The following UBLCP1 variants were observed in gnomAD, a reference collection of about 807,000 sequenced individuals.
The protein encoded by UBLCP1 is ubiquitin like domain containing CTD phosphatase 1, also known as ubiquitin-like domain-containing CTD phosphatase 1.
Under a neutral mutation model 42.4 loss-of-function variants are expected in UBLCP1, and 28 were observed. The ratio of observed to expected loss-of-function variants is 0.66; its 90% confidence interval spans 0.49 to 0.90. The LOEUF is 0.90. Ranked by LOEUF, UBLCP1 falls within the 40% of genes least tolerant of loss-of-function variation. The pLI is 0.00. For missense variants in UBLCP1, 279 were observed against 374.5 expected (o/e 0.75, Z 2.10); for synonymous variants, 122 against 120.8 (o/e 1.01, Z -0.07).
At chr5:159,274,253 T>C in intron 6 of UBLCP1, 1 of 192,756 alleles carries the variant, frequency 5.2e-6, no homozygotes, top group South Asian at 1.4e-4. Context: ...GGCACCCAAG[T>C]TTAAGTTTGG....
chr5:159,282,512 A>G (rs562703749), intron 9 of UBLCP1, among the ~76,000 whole-genome samples: 2 of 152,288 alleles, frequency 1.3e-5, no homozygotes, highest in African/African-American at 2.4e-5. Context: ...AAGATATGGT[A>G]TTCCTTACTA....
At chr5:159,278,842 G>C (rs1417332961) in intron 9 of UBLCP1, among the ~76,000 whole-genome samples, 1 of 152,122 alleles carries the variant, frequency 6.6e-6, no homozygotes, top group East Asian at 1.9e-4. Flanking sequence ...CAAGTGCTGG[G>C]ATTACAGGCA....
intron 1 of UBLCP1, among the ~76,000 whole-genome samples, chr5:159,264,713 A>G (rs1049708158): frequency 1.3e-5 from 2 of 152,198 alleles, no homozygotes; most frequent in East Asian, 3.9e-4. Context: ...TTGTTAAAAC[A>G]CAGATTCCTA....
chr5:159,282,963 A>G (rs1753625548), intron 9 of UBLCP1, among the ~76,000 whole-genome samples: 1 of 152,102 alleles, frequency 6.6e-6, no homozygotes, highest in Non-Finnish European at 1.5e-5. Context: ...TATGGATTCA[A>G]GTGCAATAAG....
At chr5:159,264,877 ACT>A (rs1382358011) in intron 1 of UBLCP1, among the ~76,000 whole-genome samples, 2 of 152,046 alleles carry the variant, frequency 1.3e-5, no homozygotes, top group Admixed American at 6.5e-5. Context: ...TTCACTCCAA[ACT>A]CTGCACTACT....
chr5:159,264,786 G>A (rs1753357276), intron 1 of UBLCP1, among the ~76,000 whole-genome samples: 1 of 152,170 alleles, frequency 6.6e-6, no homozygotes, highest in Non-Finnish European at 1.5e-5. Context: ...AATGCTGTTC[G>A]TTAGCCCAGG....
chr5:159,271,345 A>G (rs1040982443), intron 5 of UBLCP1, among the ~76,000 whole-genome samples: 3 of 151,876 alleles, frequency 2.0e-5, no homozygotes, highest in African/African-American at 7.3e-5. Context: ...ACCTAGTCCC[A>G]GCTACTTTAG....
Position 159,270,644 on chromosome 5 carries a change from GT to G in UBLCP1, c.448+2del, listed in dbSNP as rs1301064663. On this transcript the variant is annotated splice_donor_variant, in intron 5 of 10. Coordinates refer to ENST00000296786, the MANE Select transcript of UBLCP1 (RefSeq NM_145049.5). LOFTEE classifies it high-confidence loss of function. Reference sequence around the variant, plus strand: ...CTAGATGTTGATTATACATTATTTGGTAAGTCAGTTAAGAATGCTTTTCATT... The same window carrying G: ...CTAGATGTTGATTATACATTATTTGGAAGTCAGTTAAGAATGCTTTTCATT... 2.6e-6 allele frequency: 4 copies of G among 1,560,952 alleles called. No homozygotes were observed. Among genetic ancestry groups the G allele is most frequent in the Non-Finnish European group, 2.6e-6 (3 of 1,152,438 alleles).
In UBLCP1 at chr5:159,268,991, C is replaced by T. The variant is rs1753431546; in HGVS notation, c.76C>T (p.Leu26Phe). ...CACACTTTCAGAAGATGATACTGTG[C>T]TCGATCTCAAACAGTTTCTCAAGAC... ...VTTLSEDDTV[L>F]DLKQFLKTLT... The change falls in exon 2 of 11, where the codon CTC (leucine) becomes TTC (phenylalanine). Residue 26 changes from leucine (L) to phenylalanine (F), a missense_variant. Leu to Phe is a conservative substitution (Grantham distance 22). Coordinates refer to ENST00000296786, the MANE Select transcript of UBLCP1 (RefSeq NM_145049.5). 1 of 1,611,424 alleles carries T rather than the reference C, an allele frequency of 6.2e-7. No homozygotes were observed.
chr5:159,264,054 C>T (rs2113306721), intron 1 of UBLCP1, among the ~76,000 whole-genome samples: 2 of 152,258 alleles, frequency 1.3e-5, no homozygotes, highest in East Asian at 3.9e-4. Context: ...TTGTGTTTTA[C>T]AGTTTACAAA....
intron 2 of UBLCP1, 120 bp downstream of exon 2, chr5:159,269,189 C>G: frequency 1.4e-6 from 1 of 708,070 alleles, no homozygotes; most frequent in Non-Finnish European, 2.0e-6. Flanking sequence ...TAGTAAGTCT[C>G]TCCCTTTCGA....
At chr5:159,265,100 G>C (rs1316572042) in intron 1 of UBLCP1, among the ~76,000 whole-genome samples, 1 of 152,128 alleles carries the variant, frequency 6.6e-6, no homozygotes, top group Non-Finnish European at 1.5e-5. Context: ...TACATTTTCA[G>C]TAGAACACAT....
intron 9 of UBLCP1, among the ~76,000 whole-genome samples, chr5:159,279,765 G>A (rs2113321265): frequency 6.6e-6 from 1 of 152,256 alleles, no homozygotes; most frequent in African/African-American, 2.4e-5. Context: ...ACTGCACCAG[G>A]TAAAGGTACA....
rs1414921235 is a variant in UBLCP1, at chr5:159,285,566, A to C, written c.*635A>C. On this transcript the variant is annotated 3_prime_UTR_variant, in exon 11 of 11. Coordinates refer to ENST00000296786, the MANE Select transcript of UBLCP1 (RefSeq NM_145049.5). ...TAGGCCTGTATGTGTGTACATGTCC[A>C]AGTAAAGCTGGAAAATGTCAGTCTT... 1.3e-5 allele frequency: 2 copies of C among 152,372 alleles called. No homozygotes were observed. The highest frequency in any genetic ancestry group is 2.9e-5 in the Non-Finnish European group (2 of 68,046). The allele number at this position is 152,372 out of a possible 1,614,324, so 9.4% of individuals were successfully genotyped here.
intron 9 of UBLCP1, among the ~76,000 whole-genome samples, chr5:159,281,348 T>C (rs977864905): frequency 2.0e-5 from 3 of 152,208 alleles, no homozygotes; most frequent in African/African-American, 7.2e-5. Context: ...AACATTACCA[T>C]ATCACCCAGG....
intron 10 of UBLCP1, among the ~76,000 whole-genome samples, chr5:159,283,586 G>C (rs769756378): frequency 2.0e-5 from 3 of 152,064 alleles, no homozygotes; most frequent in African/African-American, 2.4e-5. Flanking sequence ...GAACTTGAGA[G>C]ACTAGCATAT....
At position 159,283,200 on chromosome 5, in the gene UBLCP1, G is replaced by T. The variant is rs762242767; in HGVS notation, c.802-12G>T. ...CATTGTGATGTGTTGAGTAATGTTTGTTTCCTAATAGATAAGGCCTTTTAT... is the reference window on the plus strand; with the variant it reads ...CATTGTGATGTGTTGAGTAATGTTTTTTTCCTAATAGATAAGGCCTTTTAT... On this transcript the variant is annotated splice_polypyrimidine_tract_variant and intron_variant, in intron 9 of 10. Transcript: ENST00000296786. The T allele has an allele frequency of 6.3e-7, 1 of 1,597,572 alleles. No homozygotes were observed. Among genetic ancestry groups the T allele is most frequent in the South Asian group, 1.2e-5 (1 of 86,384 alleles).
intron 1 of UBLCP1, among the ~76,000 whole-genome samples, chr5:159,265,529 G>T (rs1753379406): frequency 6.6e-6 from 1 of 152,140 alleles, no homozygotes; most frequent in African/African-American, 2.4e-5. Context: ...GATTGATATG[G>T]TTTGGCTGTG....
chr5:159,283,306 ACT>A lies in UBLCP1; in HGVS notation c.897_898del (p.Leu301GlyfsTer27). The stretch of plus-strand genomic sequence containing the variant: ...CTCAAGGAGATAGCAAAATTAGATG[ACT>A]TTTTGGATCTAAATCACAAATATTG... On this transcript the variant is annotated frameshift_variant, in exon 10 of 11. Coordinates refer to ENST00000296786, the MANE Select transcript of UBLCP1 (RefSeq NM_145049.5). LOFTEE classifies it high-confidence loss of function. 6.2e-7 allele frequency: 1 copy of A among 1,601,050 alleles called. No homozygotes were observed. The highest frequency in any genetic ancestry group is 8.5e-7 in the Non-Finnish European group (1 of 1,175,220).
Sources: gnomAD v4.1 joint callset for allele counts (sites outside exome capture counted in the v4.1 genomes callset) on GRCh38, gnomAD v4.1.1 for gene constraint, MANE v1.5 for transcripts, NCBI Gene and HGNC (gene_info 2026-07-23, HGNC 2026-07-21) for gene names.